Variants in ANKRD31 observed in about 807,000 individuals in gnomAD.
ANKRD31 encodes the protein ankyrin repeat domain 31.
In ANKRD31, 147 loss-of-function variants were observed where a neutral mutation model predicts 186.0. The observed-to-expected ratio is 0.79, with a 90% CI of 0.69 to 0.91. The LOEUF is 0.91. ANKRD31 is among the 40% of genes least tolerant of loss of function. ANKRD31 has a pLI of 0.00. For synonymous variants in ANKRD31, 673 were observed against 736.4 expected, an observed-to-expected ratio of 0.91 and a Z score of 1.39; for missense variants, 1,986 against 2,148.8, an observed-to-expected ratio of 0.92 and a Z score of 1.50.
rs370353953 is a variant in ANKRD31, at chr5:75,129,151, G to T, written c.3876+8705C>A. The stretch of plus-strand genomic sequence containing the variant: ...ACAAGATCTGGTGGTTTAAAAGTGT[G>T]TAGCATCACCCCCTTCCCTCTCTGT... On this transcript the variant is annotated intron_variant, in intron 17 of 25. Transcript: ENST00000506364. Among the ~76,000 whole-genome samples the T allele has an allele frequency of 8.5e-5, 13 of 152,242 alleles. No individual in the cohort carries two copies. In the South Asian group the frequency reaches 2.7e-3, roughly 32 times the overall value.
intron 22 of ANKRD31, among the ~76,000 whole-genome samples, chr5:75,099,637 A>G (rs924282905): frequency 1.3e-5 from 2 of 152,074 alleles, no homozygotes; most frequent in Admixed American, 6.6e-5. Context: ...CAGGGATTCA[A>G]CTTCTTCCTG....
intron 17 of ANKRD31, among the ~76,000 whole-genome samples, chr5:75,126,729 C>T (rs1749288047): frequency 1.3e-5 from 2 of 152,052 alleles, no homozygotes; most frequent in African/African-American, 4.8e-5. Flanking sequence ...GAAATAATAG[C>T]TGAAAAGTTC....
chr5:75,188,861 A>G (rs1754912666), intron 9 of ANKRD31, among the ~76,000 whole-genome samples: 1 of 152,188 alleles, frequency 6.6e-6, no homozygotes, highest in Non-Finnish European at 1.5e-5. Flanking sequence ...AAAGAGACAA[A>G]TGCCACTAGT....
chr5:75,091,404 G>A lies in ANKRD31; in HGVS notation c.5332-3C>T, dbSNP rs1490191215. The A allele has an allele frequency of 1.3e-6, 2 of 1,520,166 alleles. No homozygotes were observed. The highest frequency in any genetic ancestry group is 1.2e-5 in the South Asian group (1 of 81,016). 94.2% of individuals were successfully genotyped at this position (1,520,166 alleles called of 1,614,324 possible). ...ATACTGGCTTTGTGGGTAGTCTCCTGAAGTGAAAAATAAAACAGAAATTAA... is the reference window on the plus strand; with the variant it reads ...ATACTGGCTTTGTGGGTAGTCTCCTAAAGTGAAAAATAAAACAGAAATTAA... On this transcript the variant is annotated splice_region_variant and splice_polypyrimidine_tract_variant and intron_variant, in intron 22 of 25. Coordinates refer to ENST00000506364, the MANE Select transcript of ANKRD31 (RefSeq NM_001372053.1).
chr5:75,213,563 T>A (rs1756782982), intron 3 of ANKRD31, among the ~76,000 whole-genome samples: 1 of 152,248 alleles, frequency 6.6e-6, no homozygotes, highest in Non-Finnish European at 1.5e-5. Context: ...ATGAACAATA[T>A]GCAAGAATAC....
At position 75,195,747 on chromosome 5, in the gene ANKRD31, C is replaced by T; in HGVS notation, c.901G>A (p.Val301Met). The change falls in exon 7 of 26, where the codon GTG becomes ATG. Residue 301 changes from valine (V) to methionine (M), a missense_variant. Val to Met is a conservative substitution (Grantham distance 21, BLOSUM62 1). Transcript: ENST00000506364. ...TCTTTTCTGTGACAGATGGTTTCCA[C>T]CTTGGCTTCTGACAATGTGTTCAGG... ...EALNTLSEAKVETICHRKEGG... is the reference protein window; with the variant it reads ...EALNTLSEAKMETICHRKEGG... The T allele has an allele frequency of 6.5e-7, 1 of 1,537,560 alleles. No homozygotes were observed. The highest frequency in any genetic ancestry group is 8.7e-7 in the Non-Finnish European group (1 of 1,146,902).
At chr5:75,157,486 C>A (rs1044454302) in intron 11 of ANKRD31, among the ~76,000 whole-genome samples, 6 of 152,194 alleles carry the variant, frequency 3.9e-5, no homozygotes, top group African/African-American at 1.4e-4. Flanking sequence ...TTGGGAAATT[C>A]TGTCCATCAA....
chr5:75,186,152 T>C (rs1426876623), intron 10 of ANKRD31, among the ~76,000 whole-genome samples: 1 of 152,130 alleles, frequency 6.6e-6, no homozygotes, highest in Non-Finnish European at 1.5e-5. Flanking sequence ...AAAATAAAGA[T>C]GGAACACATT....
At chr5:75,143,750 G>T (rs1751224743) in intron 15 of ANKRD31, among the ~76,000 whole-genome samples, 1 of 152,086 alleles carries the variant, frequency 6.6e-6, no homozygotes, top group East Asian at 1.9e-4. Context: ...TGCTGTGTCT[G>T]CAGTTTACCT....
intron 11 of ANKRD31, among the ~76,000 whole-genome samples, chr5:75,156,018 T>C (rs1341112302): frequency 6.6e-6 from 1 of 152,100 alleles, no homozygotes; most frequent in African/African-American, 2.4e-5. Context: ...TCAATTCTTG[T>C]GCCTCAGCCT....
At chr5:75,173,009 T>C (rs1324407822) in intron 10 of ANKRD31, among the ~76,000 whole-genome samples, 1 of 152,096 alleles carries the variant, frequency 6.6e-6, no homozygotes, top group African/African-American at 2.4e-5. Context: ...GCAAACCGAA[T>C]CCAGCAGCAC....
chr5:75,228,955 A>G (rs888757385), intron 2 of ANKRD31, among the ~76,000 whole-genome samples: 18 of 152,374 alleles, frequency 1.2e-4, no homozygotes, highest in African/African-American at 3.8e-4. Context: ...GATGATGTAC[A>G]GTGAAAAGAC....
chr5:75,098,900 T>G (rs1434754136), intron 22 of ANKRD31, among the ~76,000 whole-genome samples: 3 of 152,220 alleles, frequency 2.0e-5, no homozygotes, highest in Non-Finnish European at 2.9e-5. Context: ...ACTTCCTCTT[T>G]TCCTAATTCA....
intron 24 of ANKRD31, among the ~76,000 whole-genome samples, chr5:75,083,782 A>G (rs1745272847): frequency 6.6e-6 from 1 of 152,178 alleles, no homozygotes; most frequent in African/African-American, 2.4e-5. Flanking sequence ...TCAAAGGATG[A>G]GTGGACAAAT....
At chr5:75,108,485 T>C (rs2150065118) in intron 20 of ANKRD31, among the ~76,000 whole-genome samples, 1 of 152,278 alleles carries the variant, frequency 6.6e-6, no homozygotes. Flanking sequence ...AATGCATATA[T>C]TTTAATTCTT....
intron 14 of ANKRD31, among the ~76,000 whole-genome samples, chr5:75,144,893 G>GA (rs1243014201): frequency 6.6e-6 from 1 of 151,770 alleles, no homozygotes; most frequent in Non-Finnish European, 1.5e-5. Context: ...AAATTTACAA[G>GA]AAAAAAACAA....
At chr5:75,187,625 G>A (rs1354799783) in intron 10 of ANKRD31, among the ~76,000 whole-genome samples, 1 of 152,096 alleles carries the variant, frequency 6.6e-6, no homozygotes, top group East Asian at 1.9e-4. Context: ...TGCTGTGGCT[G>A]GCAAATAAGA....
At chr5:75,177,457 G>A (rs1309234382) in intron 10 of ANKRD31, among the ~76,000 whole-genome samples, 2 of 152,054 alleles carry the variant, frequency 1.3e-5, no homozygotes, top group Non-Finnish European at 2.9e-5. Context: ...TGAAATGAAG[G>A]AAAAAATGTT....
chr5:75,152,255 T>C (rs1751888797), intron 12 of ANKRD31, among the ~76,000 whole-genome samples: 1 of 152,070 alleles, frequency 6.6e-6, no homozygotes, highest in African/African-American at 2.4e-5. Context: ...ACTTTGAATT[T>C]ATATTTGTAT....
Sources: allele counts gnomAD v4.1 joint callset (sites outside exome capture counted in the v4.1 genomes callset), GRCh38; gene constraint gnomAD v4.1.1; transcripts MANE v1.5; gene names NCBI Gene and HGNC (gene_info 2026-07-23, HGNC 2026-07-21).